The following DDB1 variants were observed in gnomAD, a reference collection of about 807,000 sequenced individuals.
DDB1 encodes the protein damage specific DNA binding protein 1.
DDB1 carries 18 observed loss-of-function variants against 133.1 expected under a neutral mutation model. The observed-to-expected ratio is 0.14, with a 90% CI of 0.09 to 0.20. The LOEUF (loss-of-function observed/expected upper bound fraction) is 0.20, where lower values mean the gene tolerates loss of function less well. DDB1 is among the 10% of genes least tolerant of loss of function. The probability of loss-of-function intolerance (pLI) is 1.00; values close to 1 mark genes in which losing one functional copy is unlikely to be tolerated. For synonymous variants in DDB1, 580 were observed against 550.5 expected, an observed-to-expected ratio of 1.05 and a Z score of -0.75; for missense variants, 828 against 1,459.2, an observed-to-expected ratio of 0.57 and a Z score of 7.05.
intron 16 of DDB1, among the ~76,000 whole-genome samples, chr11:61,312,601 C>T (rs1055843292): frequency 6.6e-6 from 1 of 151,050 alleles, no homozygotes; most frequent in African/African-American, 2.4e-5. Flanking sequence ...CCTCCACCTC[C>T]CAGTTTCTTT....
At position 61,303,732 on chromosome 11, in the gene DDB1, A is replaced by G. The variant is rs545171195; in HGVS notation, c.2832+133T>C. On this transcript the variant is annotated intron_variant, in intron 22 of 26. Transcript: ENST00000301764. ...AAAAAAAAAAAAAAAAAACTTAATC[A>G]ATGTAGAATGTCTGCTCCGGGGAAA... is the stretch of plus-strand genomic sequence containing the variant. 54 of 869,870 alleles carry G rather than the reference A, an allele frequency of 6.2e-5. 1 individual carries two copies. Among genetic ancestry groups the G allele is most frequent in the Non-Finnish European group, 6.3e-5 (37 of 583,996 alleles). 53.9% of individuals were successfully genotyped at this position (869,870 alleles called of 1,614,324 possible).
chr11:61,313,085 C>T (rs7120594), intron 16 of DDB1, among the ~76,000 whole-genome samples: 23,322 of 152,218 alleles, frequency 0.15, 5,527 homozygotes, highest in African/African-American at 0.51. Context: ...AGTGCCGGGA[C>T]TACAGGTGTG....
chr11:61,312,958 A>C (rs567396465), intron 16 of DDB1, among the ~76,000 whole-genome samples: 46 of 152,236 alleles, frequency 3.0e-4, no homozygotes, highest in African/African-American at 1.1e-3. Context: ...GATTACAGGC[A>C]CACACCACCA....
At chr11:61,317,394 G>A (rs1447390487) in intron 10 of DDB1, among the ~76,000 whole-genome samples, 1 of 152,080 alleles carries the variant, frequency 6.6e-6, no homozygotes, top group Non-Finnish European at 1.5e-5. Flanking sequence ...TTACAGGCGT[G>A]AGCCACCACG....
chr11:61,327,030 C>A, intron 4 of DDB1, 137 bp from the exon 5 acceptor site: 1 of 663,898 alleles, frequency 1.5e-6, no homozygotes. Context: ...TTATCCATCA[C>A]TATACTGACA....
intron 4 of DDB1, 24 bp downstream of exon 4, chr11:61,329,339 C>A (rs775189892): frequency 9.9e-6 from 16 of 1,609,186 alleles, no homozygotes; most frequent in African/African-American, 5.3e-5. Context: ...CACAGTTTCT[C>A]GCTCTCTCTT....
In DDB1 at chr11:61,329,426, C is replaced by A; in HGVS notation, c.486G>T (p.Leu162=). ...ATAGGAACTTGACATCAATGACATGCAGCTCCTCCAGGCGGATGTTGAAGG... is the reference window on the plus strand; with the variant it reads ...ATAGGAACTTGACATCAATGACATGAAGCTCCTCCAGGCGGATGTTGAAGG... The part of the protein sequence containing the change: ...LKAFNIRLEE[L]HVIDVKFLYG... The change falls in exon 4 of 27, where the codon CTG becomes CTT. Residue 162 remains leucine, a synonymous_variant. Transcript: ENST00000301764. 6.2e-7 allele frequency: 1 copy of A among 1,614,182 alleles called. No homozygotes were observed. The highest frequency in any genetic ancestry group is 8.5e-7 in the Non-Finnish European group (1 of 1,180,024).
chr11:61,305,982 T>C (rs1474241814), intron 21 of DDB1, among the ~76,000 whole-genome samples: 7 of 152,258 alleles, frequency 4.6e-5, no homozygotes, highest in Admixed American at 4.6e-4. Flanking sequence ...ATATTTTAGA[T>C]ATTGGGTTAA....
At chr11:61,312,842 A>AC (rs1335474808) in intron 16 of DDB1, among the ~76,000 whole-genome samples, 1 of 151,350 alleles carries the variant, frequency 6.6e-6, no homozygotes, top group Non-Finnish European at 1.5e-5. Context: ...CCGGTGATCC[A>AC]CCCACCTCAG....
At chr11:61,330,706 G>A (rs1482700440) in intron 2 of DDB1, among the ~76,000 whole-genome samples, 2 of 151,088 alleles carry the variant, frequency 1.3e-5, no homozygotes, top group African/African-American at 2.4e-5. Context: ...CTCTGTCACC[G>A]GGCAATGGGC....
intron 26 of DDB1, 104 bp downstream of exon 26, chr11:61,300,705 C>G (rs746349175): frequency 6.6e-7 from 1 of 1,526,670 alleles, no homozygotes; most frequent in South Asian, 1.3e-5. Context: ...GAGGTCCCCT[C>G]GCATCTTGGA....
chr11:61,307,983 C>T (rs1855904138), intron 21 of DDB1, among the ~76,000 whole-genome samples: 1 of 152,174 alleles, frequency 6.6e-6, no homozygotes, highest in African/African-American at 2.4e-5. Context: ...AAGAGCCTCC[C>T]CTAACTGACC....
intron 10 of DDB1, 71 bp from the exon 11 acceptor site, chr11:61,316,638 C>T (rs1210580548): frequency 6.6e-7 from 1 of 1,521,356 alleles, no homozygotes; most frequent in African/African-American, 1.4e-5. Context: ...ACGGACAGGG[C>T]AGGCCAGGGG....
Position 61,299,861 on chromosome 11 carries a change from G to A in DDB1, c.*275C>T, listed in dbSNP as rs527281127. 1.9e-6 allele frequency: 1 copy of A among 518,746 alleles called. No homozygotes were observed. The highest frequency in any genetic ancestry group is 2.1e-5 in the South Asian group (1 of 47,428). 32.1% of individuals were successfully genotyped at this position (518,746 alleles called of 1,614,324 possible). On this transcript the variant is annotated 3_prime_UTR_variant, in exon 27 of 27. Coordinates refer to ENST00000301764, the MANE Select transcript of DDB1 (RefSeq NM_001923.5). ...CTGCAAAATCCTTCCCCGGAAGGAG[G>A]ACAACTGGCAACACCAATCAAGGCT...
rs566703036 is a variant in DDB1 at position 61,319,252 on chromosome 11, C to T, written c.1225+2343G>A. 3.3e-5 allele frequency among the ~76,000 whole-genome samples: 5 copies of T among 152,270 alleles called. No homozygotes were observed. In the South Asian group the frequency reaches 1.0e-3, roughly 32 times the overall value. ...ATTTAAAAAGTCCCAACTTTACTCA[C>T]TGAACTGAGAAGCCACCACTATCAT... is the stretch of plus-strand genomic sequence containing the variant. On this transcript the variant is annotated intron_variant, in intron 10 of 26. Coordinates refer to ENST00000301764, the MANE Select transcript of DDB1 (RefSeq NM_001923.5).
chr11:61,323,245 A>T, intron 7 of DDB1, 151 bp from the exon 8 acceptor site: 1 of 660,430 alleles, frequency 1.5e-6, no homozygotes, highest in Non-Finnish European at 2.7e-6. Flanking sequence ...CACACTAAGC[A>T]AATGTTTCTA....
At chr11:61,314,025 C>T (rs576103060) in intron 14 of DDB1, 22 bp downstream of exon 14, 1 of 1,614,048 alleles carries the variant, frequency 6.2e-7, no homozygotes, top group African/African-American at 1.3e-5. Flanking sequence ...TGTCCCAACC[C>T]AGGTCCCTAA....
chr11:61,302,244 C>T lies in DDB1; in HGVS notation c.3215+13G>A, dbSNP rs1417992499. On this transcript the variant is annotated intron_variant, in intron 25 of 26. Transcript: ENST00000301764. ...TGTGCTTCCCAGCAAGGGGATGGCT[C>T]TGGGAAGGATATAAGGAGTGCTCGA... 1 of 1,611,562 alleles carries T rather than the reference C, an allele frequency of 6.2e-7. No individual in the cohort carries two copies. The highest frequency in any genetic ancestry group is 8.5e-7 in the Non-Finnish European group (1 of 1,177,612).
At position 61,312,070 on chromosome 11, in the gene DDB1, T is replaced by G. The variant is rs1464415556; in HGVS notation, c.2084A>C (p.Asn695Thr). The G allele has an allele frequency of 5.0e-6, 8 of 1,614,050 alleles. No homozygotes were observed. The highest frequency in any genetic ancestry group is 6.8e-6 in the Non-Finnish European group (8 of 1,180,046). The change falls in exon 17 of 27, where the codon AAC becomes ACC. Residue 695 changes from asparagine to threonine, a missense_variant. By Grantham distance (65) the Asn-to-Thr change is moderately conservative (BLOSUM62 0). Coordinates refer to ENST00000301764, the MANE Select transcript of DDB1 (RefSeq NM_001923.5). ...DGYPDSLALA[N>T]NSTLTIGTID... ...GGTGCCAATGGTGAGGGTGCTATTG[T>G]TGGCCAGCGCCAGGCTGGAAAGAAG...
Sources: allele counts gnomAD v4.1 joint callset (sites outside exome capture counted in the v4.1 genomes callset), GRCh38; gene constraint gnomAD v4.1.1; transcripts MANE v1.5; gene names NCBI Gene and HGNC (gene_info 2026-07-23, HGNC 2026-07-21).